Variants in ZNF536 observed in about 807,000 individuals in gnomAD.
ZNF536 encodes zinc finger protein 536.
A neutral mutation model predicts 84.5 loss-of-function variants in ZNF536; 13 were observed. The ratio of observed to expected loss-of-function variants is 0.15; its 90% CI spans 0.10 to 0.24. ZNF536 has a LOEUF of 0.24. ZNF536 is among the 10% of genes least tolerant of loss of function. ZNF536 has a pLI of 1.00. For missense variants in ZNF536, 1,536 were observed against 1,747.5 expected (o/e 0.88, Z 2.16); for synonymous variants, 811 against 742.5 (o/e 1.09, Z -1.50).
intron 1 of ZNF536, among the ~76,000 whole-genome samples, chr19:30,626,927 A>G (rs750164269): frequency 1.3e-5 from 2 of 152,264 alleles, no homozygotes; most frequent in African/African-American, 4.8e-5. Flanking sequence ...TCTTAATTCA[A>G]TTGGGGTTGT....
intron 2 of ZNF536, among the ~76,000 whole-genome samples, chr19:30,302,245 C>T (rs1042435586): frequency 1.3e-5 from 2 of 152,122 alleles, no homozygotes; most frequent in East Asian, 1.9e-4. Flanking sequence ...TGCAAGTCCT[C>T]GGGAGATGGG....
At chr19:30,264,669 C>A (rs1303197682) in intron 1 of ZNF536, among the ~76,000 whole-genome samples, 1 of 152,054 alleles carries the variant, frequency 6.6e-6, no homozygotes, top group African/African-American at 2.4e-5. Flanking sequence ...ACACACACAC[C>A]CACCCCAGTC....
At chr19:30,561,155 A>G (rs558851221), downstream of ZNF536, among the ~76,000 whole-genome samples, 47 of 152,366 alleles carry the variant, frequency 3.1e-4, no homozygotes, top group African/African-American at 1.0e-3. Flanking sequence ...ACATAAAAGG[A>G]GAAAGGCAAC....
intron 1 of ZNF536, among the ~76,000 whole-genome samples, chr19:30,661,723 C>T (rs557457757): frequency 1.3e-5 from 2 of 152,250 alleles, no homozygotes; most frequent in East Asian, 1.9e-4. Flanking sequence ...GGCACTTCCA[C>T]ATGAAGAAAC....
chr19:30,486,454 G>A (rs765913295), intron 2 of ZNF536, among the ~76,000 whole-genome samples: 25 of 152,320 alleles, frequency 1.6e-4, no homozygotes, highest in African/African-American at 3.1e-4. Flanking sequence ...TGGCTGCATA[G>A]TATTCCATGG....
intron 1 of ZNF536, among the ~76,000 whole-genome samples, chr19:30,572,518 G>T (rs1308807592): frequency 6.6e-6 from 1 of 152,194 alleles, no homozygotes; most frequent in Non-Finnish European, 1.5e-5. Flanking sequence ...CGAGGAAACA[G>T]CATTCTCTCC....
In ZNF536 at chr19:30,545,587, C is replaced by T. The variant is rs149284745; in HGVS notation, c.2324-2356C>T. ...TAATTGTTTGTATTTTTAGTAGAGA[C>T]GGGGTTTCATCATGTTAGCCAGGAT... On this transcript the variant is annotated intron_variant, in intron 3 of 4. Transcript: ENST00000355537. 1.7e-3 allele frequency among the ~76,000 whole-genome samples: 255 copies of T among 151,728 alleles called. 1 individual carries two copies. In the East Asian group the frequency reaches 0.038, roughly 23 times the overall value.
At chr19:30,274,236 A>G (rs1441939132) in intron 1 of ZNF536, among the ~76,000 whole-genome samples, 1 of 152,248 alleles carries the variant, frequency 6.6e-6, no homozygotes, top group Non-Finnish European at 1.5e-5. Context: ...GAAAACAAGC[A>G]AATTTTTAGT....
chr19:30,646,459 T>C (rs907998503), intron 1 of ZNF536, among the ~76,000 whole-genome samples: 2 of 152,220 alleles, frequency 1.3e-5, no homozygotes, highest in Admixed American at 6.5e-5. Flanking sequence ...GGTGTGCTCA[T>C]GAATGTCCCT....
At chr19:30,413,970 A>G (rs1029658314) in intron 1 of ZNF536, among the ~76,000 whole-genome samples, 2 of 151,798 alleles carry the variant, frequency 1.3e-5, no homozygotes, top group Non-Finnish European at 2.9e-5. Flanking sequence ...GCGGGTGCCT[A>G]TAATCCCAGC....
intron 1 of ZNF536, among the ~76,000 whole-genome samples, chr19:30,684,605 C>T (rs145414770): frequency 4.6e-5 from 7 of 152,234 alleles, no homozygotes; most frequent in Non-Finnish European, 7.4e-5. Context: ...CCATGTGCAC[C>T]GATTTGATTC....
At chr19:30,688,391 C>T (rs571701194) in intron 1 of ZNF536, among the ~76,000 whole-genome samples, 3 of 152,256 alleles carry the variant, frequency 2.0e-5, no homozygotes, top group South Asian at 4.2e-4. Flanking sequence ...AGCTGAGTTT[C>T]GGCTGCTGTG....
At chr19:30,514,982 T>A (rs1453199179) in intron 2 of ZNF536, among the ~76,000 whole-genome samples, 1 of 152,146 alleles carries the variant, frequency 6.6e-6, no homozygotes, top group Non-Finnish European at 1.5e-5. Context: ...GCGTGGTGGC[T>A]CACACCTGTA....
intron 1 of ZNF536, among the ~76,000 whole-genome samples, chr19:30,271,154 G>A (rs1259238205): frequency 6.6e-6 from 1 of 152,132 alleles, no homozygotes; most frequent in Non-Finnish European, 1.5e-5. Flanking sequence ...GGCAAAGAGG[G>A]GCTGTCAGCA....
intron 1 of ZNF536, among the ~76,000 whole-genome samples, chr19:30,663,357 C>G (rs2050193080): frequency 6.6e-6 from 1 of 152,062 alleles, no homozygotes; most frequent in Admixed American, 6.5e-5. Context: ...TGGAGAAAAC[C>G]TTTGAAACCC....
At chr19:30,558,533 G>A (rs1251447823), downstream of ZNF536, among the ~76,000 whole-genome samples, 1 of 152,210 alleles carries the variant, frequency 6.6e-6, no homozygotes, top group African/African-American at 2.4e-5. Flanking sequence ...AGTTTGTAAT[G>A]AAGAGACTCA....
At chr19:30,313,611 C>T (rs1355287602) in intron 2 of ZNF536, among the ~76,000 whole-genome samples, 1 of 152,216 alleles carries the variant, frequency 6.6e-6, no homozygotes, top group Non-Finnish European at 1.5e-5. Context: ...GGCCAGAGAT[C>T]CCTGTCCAAG....
chr19:30,272,281 T>C (rs191863966), intron 1 of ZNF536, among the ~76,000 whole-genome samples: 64 of 152,342 alleles, frequency 4.2e-4, no homozygotes, highest in African/African-American at 1.3e-3. Context: ...TCCAATAAAA[T>C]TGAGCAGAAA....
intron 1 of ZNF536, among the ~76,000 whole-genome samples, chr19:30,397,072 T>C (rs950519710): frequency 6.6e-6 from 1 of 152,202 alleles, no homozygotes; most frequent in Non-Finnish European, 1.5e-5. Context: ...TTAATACTTG[T>C]TAGAACTTGT....
Sources: gnomAD v4.1 joint callset for allele counts (sites outside exome capture counted in the v4.1 genomes callset) on GRCh38, gnomAD v4.1.1 for gene constraint, MANE v1.5 for transcripts, NCBI Gene and HGNC (gene_info 2026-07-23, HGNC 2026-07-21) for gene names.